Variants in NIM1K observed in about 807,000 individuals in gnomAD.
NIM1K encodes serine/threonine-protein kinase NIM1.
A neutral mutation model predicts 37.1 loss-of-function variants in NIM1K; 35 were observed. The observed-to-expected ratio is 0.94, with a 90% CI of 0.72 to 1.25. NIM1K has a LOEUF of 1.25. NIM1K is among the 50% of genes most tolerant of loss of function. NIM1K has a pLI of 0.00. For synonymous variants in NIM1K, 234 were observed against 206.6 expected (o/e 1.13, Z -1.14); for missense variants, 564 against 548.0 (o/e 1.03, Z -0.29).
intron 1 of NIM1K, among the ~76,000 whole-genome samples, chr5:43,213,437 C>G (rs1456997389): frequency 6.6e-6 from 1 of 151,722 alleles, no homozygotes; most frequent in East Asian, 1.9e-4. Context: ...TCAAGTGATT[C>G]TCGTGCCTCA....
intron 3 of NIM1K, among the ~76,000 whole-genome samples, chr5:43,277,813 T>A (rs60394021): frequency 0.037 from 5,254 of 143,898 alleles, 357 homozygotes; most frequent in African/African-American, 0.13. Flanking sequence ...TGTGTGTGTG[T>A]GTGAGAGAGA....
chr5:43,228,368 G>A (rs928714865), intron 1 of NIM1K, among the ~76,000 whole-genome samples: 4 of 151,858 alleles, frequency 2.6e-5, no homozygotes, highest in South Asian at 2.1e-4. Context: ...GGATGGTCTC[G>A]ATCTCCTGAC....
chr5:43,239,202 T>C (rs1561083358), intron 1 of NIM1K, among the ~76,000 whole-genome samples: 1 of 151,896 alleles, frequency 6.6e-6, no homozygotes, highest in East Asian at 1.9e-4. Flanking sequence ...AAAAATGTAT[T>C]GACATTTCTC....
chr5:43,259,827 T>C (rs1375814321), intron 2 of NIM1K, among the ~76,000 whole-genome samples: 1 of 152,172 alleles, frequency 6.6e-6, no homozygotes. Context: ...TTGTTGCATT[T>C]ACTTTTGGGG....
chr5:43,276,501 C>G (rs913236373), intron 2 of NIM1K, among the ~76,000 whole-genome samples: 1 of 152,270 alleles, frequency 6.6e-6, no homozygotes, highest in African/African-American at 2.4e-5. Flanking sequence ...CCAGACTCCA[C>G]CTCCAACATT....
chr5:43,204,027 CAA>C (rs200364650), intron 1 of NIM1K, among the ~76,000 whole-genome samples: 1 of 116,340 alleles, frequency 8.6e-6, no homozygotes, highest in African/African-American at 3.1e-5. Context: ...ACTCCATCTC[CAA>C]AAAAAAAAAG....
chr5:43,277,524 G>A (rs997990895), intron 3 of NIM1K, among the ~76,000 whole-genome samples, 199 bp downstream of exon 3: 5 of 152,100 alleles, frequency 3.3e-5, no homozygotes, highest in Non-Finnish European at 5.9e-5. Flanking sequence ...CCAGTTACAC[G>A]TCAACCTCCT....
At chr5:43,233,091 A>C in intron 1 of NIM1K, 1 of 1,344,470 alleles carries the variant, frequency 7.4e-7, no homozygotes, top group South Asian at 1.2e-5. Context: ...GCTGGATGCC[A>C]TGTTCCAGGC....
At chr5:43,230,282 C>T (rs1467681070) in intron 1 of NIM1K, among the ~76,000 whole-genome samples, 2 of 150,606 alleles carry the variant, frequency 1.3e-5, no homozygotes, top group Non-Finnish European at 3.0e-5. Flanking sequence ...ATTCTCAGCA[C>T]ATGGCTTCCA....
chr5:43,216,888 G>T (rs1752307522), intron 1 of NIM1K, among the ~76,000 whole-genome samples: 1 of 152,164 alleles, frequency 6.6e-6, no homozygotes, highest in Admixed American at 6.5e-5. Context: ...AAAGGATTTT[G>T]GGAGCCGCTG....
chr5:43,232,775 G>A, intron 1 of NIM1K: 1 of 1,098,714 alleles, frequency 9.1e-7, no homozygotes, highest in African/African-American at 1.6e-5. Flanking sequence ...AAGAAGCCTT[G>A]GCGATCCATG....
chr5:43,206,790 A>G (rs555517473), intron 1 of NIM1K: 3 of 767,598 alleles, frequency 3.9e-6, no homozygotes, highest in Non-Finnish European at 4.9e-6. Context: ...CCTCCAGTCC[A>G]TTTTCCAGGA....
chr5:43,195,783 G>A (rs1438511497), intron 1 of NIM1K, among the ~76,000 whole-genome samples: 1 of 152,092 alleles, frequency 6.6e-6, no homozygotes, highest in Non-Finnish European at 1.5e-5. Context: ...GAAATTCAGG[G>A]CATGGATAGC....
intron 1 of NIM1K, among the ~76,000 whole-genome samples, chr5:43,219,351 A>T (rs906357989): frequency 6.6e-6 from 1 of 152,108 alleles, no homozygotes; most frequent in African/African-American, 2.4e-5. Flanking sequence ...GTATGTCTTT[A>T]TTAGCAGCAT....
chr5:43,217,868 T>G (rs546703106), intron 1 of NIM1K, among the ~76,000 whole-genome samples: 1 of 151,952 alleles, frequency 6.6e-6, no homozygotes. Flanking sequence ...TGTGCCACCA[T>G]GACTGGCTAA....
intron 1 of NIM1K, chr5:43,194,785 A>G (rs1751888534): frequency 6.6e-6 from 1 of 152,112 alleles, no homozygotes; most frequent in Non-Finnish European, 1.5e-5. Context: ...GTTTTTAGAG[A>G]CTGGGTCTCG....
At chr5:43,266,252 G>C (rs1347842139) in intron 2 of NIM1K, among the ~76,000 whole-genome samples, 1 of 152,222 alleles carries the variant, frequency 6.6e-6, no homozygotes, top group African/African-American at 2.4e-5. Flanking sequence ...GCCTCCTTGA[G>C]CTGTGGGGGG....
chr5:43,240,661 A>G (rs1752687379), intron 1 of NIM1K, among the ~76,000 whole-genome samples: 1 of 150,844 alleles, frequency 6.6e-6, no homozygotes, highest in South Asian at 2.1e-4. Context: ...CTCCTGCCTC[A>G]GTAGCTGGGA....
At chr5:43,254,405 A>G (rs1483584611) in intron 2 of NIM1K, among the ~76,000 whole-genome samples, 1 of 152,204 alleles carries the variant, frequency 6.6e-6, no homozygotes, top group Non-Finnish European at 1.5e-5. Flanking sequence ...TATGATACAT[A>G]AAGATTTGAG....
Sources: gnomAD v4.1 joint callset for allele counts (sites outside exome capture counted in the v4.1 genomes callset) on GRCh38, gnomAD v4.1.1 for gene constraint, MANE v1.5 for transcripts, NCBI Gene and HGNC (gene_info 2026-07-23, HGNC 2026-07-21) for gene names.